The following STX18 variants were observed in gnomAD, a reference collection of about 807,000 sequenced individuals.
STX18 encodes the protein syntaxin 18, also known as syntaxin-18.
A neutral mutation model predicts 50.1 loss-of-function variants in STX18; 40 were observed. That is an observed-to-expected ratio of 0.80 (90% CI 0.62 to 1.04). The LOEUF (loss-of-function observed/expected upper bound fraction) is 1.04, where lower values mean the gene tolerates loss of function less well. Among genes scored for constraint, STX18 ranks in the 50% least tolerant of loss-of-function variants. The probability of loss-of-function intolerance (pLI) is 0.00; values close to 1 mark genes in which losing one functional copy is unlikely to be tolerated. For missense variants in STX18, 410 were observed against 415.8 expected (o/e 0.99, Z 0.12); for synonymous variants, 158 against 151.8 (o/e 1.04, Z -0.30).
intron 7 of STX18, among the ~76,000 whole-genome samples, chr4:4,428,375 A>G (rs755051328): frequency 3.3e-5 from 5 of 152,226 alleles, no homozygotes; most frequent in Non-Finnish European, 7.3e-5. Context: ...CTAAGCAGTA[A>G]GCTGTTTTGG....
intron 1 of STX18, among the ~76,000 whole-genome samples, chr4:4,524,197 C>T (rs1730645137): frequency 6.6e-6 from 1 of 152,110 alleles, no homozygotes; most frequent in African/African-American, 2.4e-5. Context: ...TCAGAGATAC[C>T]TTCAGTTCAA....
At chr4:4,499,683 A>G (rs1212234954) in intron 1 of STX18, 1 of 241,464 alleles carries the variant, frequency 4.1e-6, no homozygotes, top group Non-Finnish European at 6.7e-6. Context: ...TTACTTACAC[A>G]ATAGAACATT....
chr4:4,488,934 T>C (rs1335675493), intron 1 of STX18, among the ~76,000 whole-genome samples: 3 of 152,198 alleles, frequency 2.0e-5, no homozygotes, highest in African/African-American at 4.8e-5. Flanking sequence ...AAGCGGCCCA[T>C]AGCAAGAACA....
chr4:4,423,049 G>A (rs1212480134), intron 9 of STX18, among the ~76,000 whole-genome samples: 1 of 152,256 alleles, frequency 6.6e-6, no homozygotes, highest in Non-Finnish European at 1.5e-5. Flanking sequence ...CGCGTTGTGA[G>A]AGGCCTGGGT....
At chr4:4,509,970 A>G (rs1333850935) in intron 1 of STX18, among the ~76,000 whole-genome samples, 1 of 152,198 alleles carries the variant, frequency 6.6e-6, no homozygotes, top group African/African-American at 2.4e-5. Context: ...TTAGATACTC[A>G]GGTAACAGAA....
intron 5 of STX18, among the ~76,000 whole-genome samples, chr4:4,444,834 T>A (rs4569705): frequency 2.0e-5 from 3 of 149,990 alleles, no homozygotes; most frequent in African/African-American, 7.6e-5. Context: ...AACAAACAAA[T>A]AAACAAACAT....
In STX18 at chr4:4,541,808, C is replaced by A. The variant is rs368216199; in HGVS notation, c.157G>T (p.Ala53Ser). Residue 53 changes from alanine (A) to serine (S), a missense_variant, in exon 1 of 11, where the codon GCC becomes TCC. Ala to Ser is a moderately conservative substitution (Grantham distance 99). Transcript: ENST00000306200. ...PRPKGDFSSRAREVISHIGKL... is the reference protein window; with the variant it reads ...PRPKGDFSSRSREVISHIGKL... ...AGCAACCAGCTCACCACTTCGCGGG[C>A]CCGGCTGGAGAAGTCGCCCTTGGGC... 9 of 1,608,750 alleles carry A rather than the reference C, an allele frequency of 5.6e-6. No homozygotes were observed. Among genetic ancestry groups the A allele is most frequent in the Non-Finnish European group, 6.8e-6 (8 of 1,177,648 alleles).
intron 1 of STX18, among the ~76,000 whole-genome samples, chr4:4,518,314 G>A (rs1447476595): frequency 6.6e-6 from 1 of 152,194 alleles, no homozygotes; most frequent in Non-Finnish European, 1.5e-5. Flanking sequence ...TATTAACAAT[G>A]TTCGTCCTTA....
At chr4:4,507,625 A>G (rs1420586151) in intron 1 of STX18, 1 of 768,784 alleles carries the variant, frequency 1.3e-6, no homozygotes, top group African/African-American at 1.7e-5. Flanking sequence ...ATTGTGGGCA[A>G]GAGAATTCAC....
intron 8 of STX18, among the ~76,000 whole-genome samples, chr4:4,424,326 T>C (rs1271968483): frequency 6.6e-6 from 1 of 151,470 alleles, no homozygotes; most frequent in Non-Finnish European, 1.5e-5. Flanking sequence ...TGGTGGGAGC[T>C]GAGCTCCTGG....
Position 4,420,128 on chromosome 4 carries a change from G to A in STX18, c.914C>T (p.Ala305Val). The A allele has an allele frequency of 1.2e-6, 2 of 1,609,580 alleles. No individual in the cohort carries two copies. The highest frequency in any genetic ancestry group is 1.7e-6 in the Non-Finnish European group (2 of 1,178,038). The stretch of plus-strand genomic sequence containing the variant: ...GCGGAAGCCAGCGTTGTTTTTAATG[G>A]CCTGGGCAGGGACGGGAGCACAGGT... Reference protein sequence around the residue: ...IKEGNEDIREAIKNNAGFRVW... With the variant: ...IKEGNEDIREVIKNNAGFRVW... The change falls in exon 11 of 11, where the codon GCC becomes GTC. Residue 305 changes from alanine to valine, a missense_variant and splice_region_variant. Coordinates refer to ENST00000306200, the MANE Select transcript of STX18 (RefSeq NM_016930.4). This position sits in a 1 kb window ranked among gnomAD's most constrained non-coding sequence, Gnocchi z 4.3.
At chr4:4,542,068 C>A (rs989881810), upstream of STX18, 26 of 1,272,262 alleles carry the variant, frequency 2.0e-5, no homozygotes, top group African/African-American at 3.8e-4. Flanking sequence ...CCACACGCCT[C>A]CCCCCGGCAA....
At chr4:4,536,470 G>C (rs1374560165) in intron 1 of STX18, among the ~76,000 whole-genome samples, 1 of 152,190 alleles carries the variant, frequency 6.6e-6, no homozygotes, top group African/African-American at 2.4e-5. Flanking sequence ...GGCATTCAAG[G>C]AAGGCCTCAC....
chr4:4,428,003 GACA>G (rs1725339423), intron 7 of STX18, among the ~76,000 whole-genome samples: 1 of 152,234 alleles, frequency 6.6e-6, no homozygotes, highest in South Asian at 2.1e-4. Flanking sequence ...CTATTTCCCA[GACA>G]ACTACAAGGT....
intron 1 of STX18, among the ~76,000 whole-genome samples, chr4:4,526,253 A>G (rs1329944696): frequency 6.6e-6 from 1 of 152,172 alleles, no homozygotes; most frequent in Admixed American, 6.5e-5. Context: ...CTGAACTCCT[A>G]TGGTAGCAGC....
intron 1 of STX18, among the ~76,000 whole-genome samples, chr4:4,489,013 A>AC (rs1728817488): frequency 6.6e-6 from 1 of 152,052 alleles, no homozygotes; most frequent in Non-Finnish European, 1.5e-5. Context: ...TATCATTCAA[A>AC]CCCCAAAAGT....
chr4:4,494,348 T>C (rs1729073311), intron 1 of STX18, among the ~76,000 whole-genome samples: 1 of 152,058 alleles, frequency 6.6e-6, no homozygotes, highest in Non-Finnish European at 1.5e-5. Context: ...CTAGTCCAGC[T>C]CCCCAAATTC....
chr4:4,528,345 C>T (rs947484278), intron 1 of STX18, among the ~76,000 whole-genome samples: 1 of 152,088 alleles, frequency 6.6e-6, no homozygotes, highest in Non-Finnish European at 1.5e-5. Flanking sequence ...AATGGCTTAG[C>T]GCTGTCCCCT....
chr4:4,518,663 T>G (rs1730386645), intron 1 of STX18, among the ~76,000 whole-genome samples: 1 of 152,206 alleles, frequency 6.6e-6, no homozygotes, highest in Admixed American at 6.5e-5. Context: ...TTCCTCTCTC[T>G]TTTCCTTTCT....
Sources: allele counts gnomAD v4.1 joint callset (sites outside exome capture counted in the v4.1 genomes callset), GRCh38; gene constraint gnomAD v4.1.1; non-coding constraint Gnocchi (gnomAD v3.1); transcripts MANE v1.5; gene names NCBI Gene and HGNC (gene_info 2026-07-23, HGNC 2026-07-21).